The following IGFL2 variants were observed in gnomAD, a reference collection of about 807,000 sequenced individuals.
IGFL2 encodes the protein IGF like family member 2.
A neutral mutation model predicts 13.9 loss-of-function variants in IGFL2; 7 were observed. The ratio of observed to expected loss-of-function variants is 0.51; its 90% CI spans 0.29 to 0.95. IGFL2 has a LOEUF of 0.95. Ranked by LOEUF, IGFL2 falls within the 40% of genes least tolerant of loss-of-function variation. IGFL2 has a pLI of 0.08. For missense variants in IGFL2, 138 were observed against 147.8 expected, an observed-to-expected ratio of 0.93 and a Z score of 0.34; for synonymous variants, 55 against 55.8, an observed-to-expected ratio of 0.99 and a Z score of 0.07.
chr19:46,211,308 G>A, the IGFL2 span, among the ~76,000 whole-genome samples: 33 of 152,182 alleles, frequency 2.2e-4, no homozygotes, highest in Non-Finnish European at 3.7e-4. Flanking sequence ...CATAGTGTTT[G>A]GAGAAAATGA....
At chr19:46,200,328 C>T in the IGFL2 span, among the ~76,000 whole-genome samples, 12 of 151,620 alleles carry the variant, frequency 7.9e-5, no homozygotes, top group Non-Finnish European at 1.6e-4. Context: ...ACATTATGCC[C>T]GGCTAATTCT....
intron 1 of IGFL2, among the ~76,000 whole-genome samples, chr19:46,154,766 TTAC>T (rs749277219): frequency 1.3e-5 from 2 of 152,142 alleles, no homozygotes; most frequent in Non-Finnish European, 2.9e-5. Flanking sequence ...TTGTTTCTTG[TTAC>T]TACTGTCATG....
chr19:46,123,820 T>C, the IGFL2 span: 53 of 1,505,534 alleles, frequency 3.5e-5, 2 homozygotes, highest in East Asian at 1.1e-3. Flanking sequence ...GAGTTCCTCT[T>C]CAAGCCCTCT....
the IGFL2 span, among the ~76,000 whole-genome samples, chr19:46,079,811 G>T: frequency 2.6e-5 from 4 of 152,130 alleles, no homozygotes; most frequent in African/African-American, 9.7e-5. Context: ...AGCCAAAAAA[G>T]CCTTCCCTCA....
chr19:46,147,373 C>G (rs1973193550), upstream of IGFL2, among the ~76,000 whole-genome samples: 1 of 152,018 alleles, frequency 6.6e-6, no homozygotes, highest in Admixed American at 6.6e-5. Context: ...CCTTAGTTAC[C>G]CTCTCCCAAA....
rs1472993594 is a variant in IGFL2 at position 46,160,678 on chromosome 19, C to T, written c.138C>T (p.Asn46=). ...CCAGGTGTGGAGACAAGATCTACAA[C>T]CCCTTGGAGCAGTGCTGTTACAATG... ...PAPRCGDKIY[N]PLEQCCYNDA... is the part of the protein sequence containing the mutation. Residue 46 remains asparagine, a synonymous_variant, in exon 3 of 4, where the codon AAC becomes AAT. Coordinates refer to ENST00000377693, the MANE Select transcript of IGFL2 (RefSeq NM_001135113.2). 2.5e-6 allele frequency: 4 copies of T among 1,614,212 alleles called. No homozygotes were observed. The highest frequency in any genetic ancestry group is 3.4e-6 in the Non-Finnish European group (4 of 1,180,034).
the IGFL2 span, among the ~76,000 whole-genome samples, chr19:46,123,728 C>G: frequency 8.0e-5 from 12 of 150,822 alleles, no homozygotes; most frequent in Non-Finnish European, 1.8e-4. Flanking sequence ...GAAAGGCAGA[C>G]TTATAGCTTA....
the IGFL2 span, chr19:46,204,344 CAG>C: frequency 3.9e-5 from 6 of 152,420 alleles, no homozygotes; most frequent in East Asian, 1.9e-4. Context: ...TGGGCTGAGA[CAG>C]GGGTACCTGG....
At chr19:46,143,406 T>TC (rs1972949491), upstream of IGFL2, among the ~76,000 whole-genome samples, 5 of 151,136 alleles carry the variant, frequency 3.3e-5, no homozygotes, top group Admixed American at 1.3e-4. Context: ...CTTCTTCTTT[T>TC]TTTTTTTTTT....
the IGFL2 span, among the ~76,000 whole-genome samples, chr19:46,193,551 A>T: frequency 6.6e-6 from 1 of 152,210 alleles, no homozygotes; most frequent in East Asian, 1.9e-4. Context: ...CTTTCAGTAA[A>T]AAGATGAAAA....
chr19:46,083,679 G>C, the IGFL2 span, among the ~76,000 whole-genome samples: 674 of 152,258 alleles, frequency 4.4e-3, 3 homozygotes, highest in Non-Finnish European at 5.4e-3. Context: ...GACAGAAAGA[G>C]ACAGTGACAG....
chr19:46,134,479 A>G, the IGFL2 span, among the ~76,000 whole-genome samples: 1 of 152,226 alleles, frequency 6.6e-6, no homozygotes, highest in African/African-American at 2.4e-5. Context: ...TATGCAACTC[A>G]CCATACTGTA....
the IGFL2 span, among the ~76,000 whole-genome samples, chr19:46,082,873 T>G: frequency 2.0e-5 from 3 of 152,158 alleles, no homozygotes; most frequent in Non-Finnish European, 2.9e-5. Context: ...GTCCTCTTAG[T>G]AGGTGGTAAT....
chr19:46,107,105 GGA>G, the IGFL2 span, among the ~76,000 whole-genome samples: 1 of 152,122 alleles, frequency 6.6e-6, no homozygotes, highest in Admixed American at 6.5e-5. Context: ...CCAGAGTGGG[GGA>G]GTTTTAAGGG....
At chr19:46,124,657 A>G in the IGFL2 span, 18 of 1,607,802 alleles carry the variant, frequency 1.1e-5, 1 homozygote, top group East Asian at 2.3e-4. Context: ...CATGCTTCCA[A>G]AGATGCTCTA....
At chr19:46,206,873 C>T in the IGFL2 span, 2 of 152,142 alleles carry the variant, frequency 1.3e-5, no homozygotes, top group African/African-American at 4.8e-5. Context: ...CTTATCTCAT[C>T]CACCCATGAC....
chr19:46,121,189 G>A, the IGFL2 span, among the ~76,000 whole-genome samples: 1 of 149,264 alleles, frequency 6.7e-6, no homozygotes, highest in Admixed American at 6.7e-5. Flanking sequence ...TCCAATCTGG[G>A]TAACATAATG....
the IGFL2 span, among the ~76,000 whole-genome samples, chr19:46,180,220 G>A: frequency 3.4e-5 from 5 of 146,166 alleles, no homozygotes; most frequent in South Asian, 2.2e-4. Flanking sequence ...CCTCTGTTGC[G>A]CAGGCTGGAG....
intron 1 of IGFL2, among the ~76,000 whole-genome samples, chr19:46,156,327 C>A (rs530844762): frequency 2.2e-4 from 34 of 152,208 alleles, no homozygotes; most frequent in African/African-American, 7.0e-4. Context: ...AGGTTTCTCA[C>A]CTTTCTTTAG....
Sources: gnomAD v4.1 joint callset for allele counts (sites outside exome capture counted in the v4.1 genomes callset) on GRCh38, gnomAD v4.1.1 for gene constraint, MANE v1.5 for transcripts, NCBI Gene and HGNC (gene_info 2026-07-23, HGNC 2026-07-21) for gene names.